COPS4: variants seen among roughly 807,000 people sequenced by gnomAD.
COPS4 encodes the protein COP9 signalosome subunit 4.
A neutral mutation model predicts 55.1 loss-of-function variants in COPS4; 8 were observed. The ratio of observed to expected loss-of-function variants is 0.15; its 90% CI spans 0.09 to 0.26. The LOEUF (loss-of-function observed/expected upper bound fraction) is 0.26. Ranked by LOEUF, COPS4 falls within the 10% of genes least tolerant of loss-of-function variation. COPS4 has a pLI of 1.00. For missense variants in COPS4, 248 were observed against 484.0 expected, an observed-to-expected ratio of 0.51 and a Z score of 4.58; for synonymous variants, 185 against 165.7, an observed-to-expected ratio of 1.12 and a Z score of -0.90.
rs749491976 is a variant in COPS4 at position 83,075,396 on chromosome 4, C to T, written c.1187C>T (p.Thr396Ile). 2 of 1,614,124 alleles carry T rather than the reference C, an allele frequency of 1.2e-6. No individual in the cohort carries two copies. Among genetic ancestry groups the T allele is most frequent in the Non-Finnish European group, 1.7e-6 (2 of 1,180,014 alleles). The change falls in exon 10 of 10, where the codon ACA becomes ATA. Residue 396 changes from threonine to isoleucine, a missense_variant. Coordinates refer to ENST00000264389, the MANE Select transcript of COPS4 (RefSeq NM_016129.3). Reference sequence around the variant, plus strand: ...ATTAGTCAAACAGCACCAGAATGGACAGCACAAGCCATGGAAGCCCAGATG... The same window carrying T: ...ATTAGTCAAACAGCACCAGAATGGATAGCACAAGCCATGGAAGCCCAGATG... ...EKISQTAPEW[T>I]AQAMEAQMAQ
At chr4:83,059,273 ATC>A (rs1731098524) in intron 6 of COPS4, among the ~76,000 whole-genome samples, 1 of 151,974 alleles carries the variant, frequency 6.6e-6, no homozygotes, top group South Asian at 2.1e-4. Context: ...ACATTTATTA[ATC>A]TTTCTTTAAT....
Position 83,063,086 on chromosome 4 carries a change from T to C in COPS4, c.726T>C (p.Arg242=), listed in dbSNP as rs1731202965. 1 of 1,557,036 alleles carries C rather than the reference T, an allele frequency of 6.4e-7. No homozygotes were observed. The highest frequency in any genetic ancestry group is 2.4e-5 in the East Asian group (1 of 40,852). ...ATTTATTTCTCTTAGGGCAGCAGCGTTCTCGGATGCTAGCTACTCTTTTTA... is the reference window on the plus strand; with the variant it reads ...ATTTATTTCTCTTAGGGCAGCAGCGCTCTCGGATGCTAGCTACTCTTTTTA... ...CTILASAGQQ[R]SRMLATLFKD... The change falls in exon 7 of 10, where the codon CGT becomes CGC. Residue 242 remains arginine (R), a synonymous_variant. Transcript: ENST00000264389.
chr4:83,071,781 G>A (rs1051870068), intron 9 of COPS4, among the ~76,000 whole-genome samples: 5 of 151,430 alleles, frequency 3.3e-5, no homozygotes, highest in Admixed American at 6.6e-5. Flanking sequence ...GCGCAATCTC[G>A]GCTCACTGCA....
chr4:83,058,268 A>G (rs1490888283), intron 6 of COPS4, among the ~76,000 whole-genome samples: 2 of 152,210 alleles, frequency 1.3e-5, no homozygotes. Context: ...CCCAGGCTGG[A>G]GTGCAGTGGC....
In COPS4 at chr4:83,049,890, A is replaced by G. The variant is rs766363793; in HGVS notation, c.316A>G (p.Ile106Val). ...VISFEEQVAS[I>V]RQHLASIYEK... The stretch of plus-strand genomic sequence containing the variant: ...ATACCTATTATTCCAGGTTGCTTCC[A>G]TAAGACAGCATCTTGCATCTATATA... The change falls in exon 4 of 10, where the codon ATA becomes GTA. Residue 106 changes from isoleucine to valine, a missense_variant. By Grantham distance (29) the Ile-to-Val change is conservative (BLOSUM62 3). This residue lies in a region of COPS4 where 155 missense variants were observed against 326.6 expected (regional missense o/e 0.47). Transcript: ENST00000264389. The G allele has an allele frequency of 1.2e-6, 2 of 1,600,194 alleles. No individual in the cohort carries two copies. Among genetic ancestry groups the G allele is most frequent in the Non-Finnish European group, 1.7e-6 (2 of 1,173,878 alleles).
Position 83,057,321 on chromosome 4 carries a change from G to A in COPS4, c.628G>A (p.Glu210Lys), listed in dbSNP as rs1348533258. 6.2e-7 allele frequency: 1 copy of A among 1,613,452 alleles called. No homozygotes were observed. Among genetic ancestry groups the A allele is most frequent in the African/African-American group, 1.3e-5 (1 of 74,906 alleles). Residue 210 changes from glutamate (E) to lysine (K), a missense_variant, in exon 6 of 10, where the codon GAG becomes AAG. Glu to Lys is a moderately conservative substitution (Grantham distance 56). This residue lies in a region of COPS4 where 155 missense variants were observed against 326.6 expected (regional missense o/e 0.47). Transcript: ENST00000264389. ...KFIEAAQRYN[E>K]LSYKTIVHES... ...CATTGAAGCTGCACAAAGGTACAAT[G>A]AGCTCTCTTACAAGACAATAGTCCA...
chr4:83,074,712 G>T (rs567522957), intron 9 of COPS4, among the ~76,000 whole-genome samples: 6 of 151,138 alleles, frequency 4.0e-5, no homozygotes, highest in African/African-American at 1.5e-4. Flanking sequence ...TGCCATGTTG[G>T]CCGGGCTGGT....
chr4:83,074,878 T>G (rs1439017079), intron 9 of COPS4, among the ~76,000 whole-genome samples: 1 of 151,892 alleles, frequency 6.6e-6, no homozygotes, highest in Non-Finnish European at 1.5e-5. Context: ...ATCCCAGCAC[T>G]TTGGCAGGCC....
intron 1 of COPS4, among the ~76,000 whole-genome samples, chr4:83,043,620 ATGT>A (rs912985010): frequency 6.6e-6 from 1 of 151,728 alleles, no homozygotes; most frequent in Non-Finnish European, 1.5e-5. Context: ...TTTGAATATA[ATGT>A]TGTTAGTATA....
chr4:83,043,738 T>C (rs1257666705), intron 1 of COPS4, among the ~76,000 whole-genome samples: 3 of 152,164 alleles, frequency 2.0e-5, no homozygotes, highest in African/African-American at 4.8e-5. Flanking sequence ...GTATAACTTA[T>C]CTGAAAGCAT....
At chr4:83,041,436 G>A (rs1730566575) in intron 1 of COPS4, among the ~76,000 whole-genome samples, 1 of 151,974 alleles carries the variant, frequency 6.6e-6, no homozygotes, top group African/African-American at 2.4e-5. Flanking sequence ...TTTGTATACT[G>A]AGTACTCATA....
At chr4:83,035,450 G>A (rs2126126309) in intron 1 of COPS4, 152 bp downstream of exon 1, 3 of 504,348 alleles carry the variant, frequency 5.9e-6, no homozygotes, top group South Asian at 3.4e-5. Context: ...GGAGGCAAAT[G>A]TTGGGAGAAG....
intron 8 of COPS4, 151 bp from the exon 9 acceptor site, chr4:83,068,287 A>G (rs1578721420): frequency 1.7e-6 from 1 of 591,672 alleles, no homozygotes; most frequent in South Asian, 2.1e-5. Context: ...GGAAATAGCC[A>G]GATTTACAAG....
intron 1 of COPS4, among the ~76,000 whole-genome samples, chr4:83,038,834 A>G (rs1220922385): frequency 6.6e-6 from 1 of 152,068 alleles, no homozygotes; most frequent in Non-Finnish European, 1.5e-5. Context: ...TAGTAGAGAC[A>G]GGGTTTCACC....
chr4:83,045,300 TA>T (rs1334801855), intron 1 of COPS4, among the ~76,000 whole-genome samples: 2 of 152,238 alleles, frequency 1.3e-5, no homozygotes, highest in East Asian at 3.9e-4. Flanking sequence ...AATTCAAAAA[TA>T]AAACCTTCAA....
chr4:83,066,443 A>T lies in COPS4; in HGVS notation c.892A>T (p.Ser298Cys), dbSNP rs1489796707. Residue 298 changes from serine (S) to cysteine (C), a missense_variant, in exon 8 of 10, where the codon AGC (serine) becomes TGC (cysteine). By Grantham distance (112) the Ser-to-Cys change is moderately radical (BLOSUM62 -1). Transcript: ENST00000264389. ...HQKATTADGS[S>C]ILDRAVIEHN... Reference sequence around the variant, plus strand: ...CTGTCTTATTTATGTTTAAGGTTCCAGCATCTTGGACAGAGCTGTTATTGA... The same window carrying T: ...CTGTCTTATTTATGTTTAAGGTTCCTGCATCTTGGACAGAGCTGTTATTGA... 6.6e-7 allele frequency: 1 copy of T among 1,506,980 alleles called. No homozygotes were observed. The allele number at this position is 1,506,980 out of a possible 1,614,324, so 93.4% of individuals were successfully genotyped here. A position where few individuals can be genotyped will look rare whatever the true frequency, so the allele number is the denominator to read the frequency against.
Position 83,035,217 on chromosome 4 carries a change from G to A in COPS4, c.-8G>A. On this transcript the variant is annotated 5_prime_UTR_variant, in exon 1 of 10. Transcript: ENST00000264389. ...GGCCCCCGCATCCACCGCTGAGCTGGGAGAAAGATGGCGGCAGCCGTGCGA... is the reference window on the plus strand; with the variant it reads ...GGCCCCCGCATCCACCGCTGAGCTGAGAGAAAGATGGCGGCAGCCGTGCGA... 1 of 1,561,648 alleles carries A rather than the reference G, an allele frequency of 6.4e-7. No individual in the cohort carries two copies. Among genetic ancestry groups the A allele is most frequent in the Non-Finnish European group, 8.7e-7 (1 of 1,146,634 alleles).
chr4:83,053,015 T>C (rs1303137365), intron 4 of COPS4, among the ~76,000 whole-genome samples: 1 of 152,188 alleles, frequency 6.6e-6, no homozygotes, highest in Non-Finnish European at 1.5e-5. Context: ...GGACAATGAA[T>C]GGACTCAGCA....
At chr4:83,056,694 G>A (rs1183114988) in intron 4 of COPS4, among the ~76,000 whole-genome samples, 4 of 152,150 alleles carry the variant, frequency 2.6e-5, no homozygotes, top group Non-Finnish European at 4.4e-5. Context: ...AGCTACTTGG[G>A]AGGCTGAGGC....
Sources: gnomAD v4.1 joint callset for allele counts (sites outside exome capture counted in the v4.1 genomes callset) on GRCh38, gnomAD v4.1.1 for gene constraint, gnomAD v4.1.1 regional missense constraint, MANE v1.5 for transcripts, NCBI Gene and HGNC (gene_info 2026-07-23, HGNC 2026-07-21) for gene names.